The following TAF5 variants were observed in gnomAD, a reference collection of about 807,000 sequenced individuals.
The protein encoded by TAF5 is transcription initiation factor TFIID subunit 5.
A neutral mutation model predicts 80.9 loss-of-function variants in TAF5; 20 were observed. That is an observed-to-expected ratio of 0.25 (90% confidence interval 0.17 to 0.36). The LOEUF is 0.36. Among genes scored for constraint, TAF5 ranks in the 10% least tolerant of loss-of-function variants. The pLI, the probability that TAF5 is intolerant of heterozygous loss-of-function variation, is 1.00. For missense variants in TAF5, 863 were observed against 1,029.4 expected (o/e 0.84, Z 2.21); for synonymous variants, 388 against 406.4 (o/e 0.95, Z 0.55).
At chr10:103,384,111 T>G (rs973816772) in intron 7 of TAF5, among the ~76,000 whole-genome samples, 1 of 152,176 alleles carries the variant, frequency 6.6e-6, no homozygotes, top group East Asian at 1.9e-4. Flanking sequence ...TTCCTGACAT[T>G]AATGGCATAT....
chr10:103,369,060 C>G (rs948565064), intron 1 of TAF5, among the ~76,000 whole-genome samples: 3 of 150,494 alleles, frequency 2.0e-5, no homozygotes, highest in African/African-American at 4.9e-5. Context: ...CTCACTGCAA[C>G]CTCCGCCTCC....
intron 6 of TAF5, among the ~76,000 whole-genome samples, 156 bp downstream of exon 6, chr10:103,381,997 G>C (rs1465558031): frequency 1.3e-5 from 2 of 152,140 alleles, no homozygotes; most frequent in East Asian, 3.9e-4. Context: ...AAAAAGCTTT[G>C]GAGTGACTGG....
In TAF5 at chr10:103,387,705, G is replaced by A; in HGVS notation, c.2185+7G>A. On this transcript the variant is annotated splice_region_variant and intron_variant, in intron 10 of 10. Coordinates refer to ENST00000369839, the MANE Select transcript of TAF5 (RefSeq NM_006951.5). ...GGTGAAATTTTGGCATCAGGTAAAT[G>A]ACTATTAATGGCTTTACGATAAATG... 7 of 1,608,780 alleles carry A rather than the reference G, an allele frequency of 4.4e-6. No homozygotes were observed. Among genetic ancestry groups the A allele is most frequent in the Non-Finnish European group, 5.1e-6 (6 of 1,178,036 alleles).
chr10:103,387,686 A>C lies in TAF5; in HGVS notation c.2173A>C (p.Ile725Leu). The part of the protein sequence containing the change: ...CSLRFSRDGE[I>L]LASGSMDNTV... ...ACTTAGGTTTAGTAGAGATGGTGAA[A>C]TTTTGGCATCAGGTAAATGACTATT... is the stretch of plus-strand genomic sequence containing the variant. The change falls in exon 10 of 11, where the codon ATT (isoleucine) becomes CTT (leucine). Residue 725 changes from isoleucine to leucine, a missense_variant. Ile to Leu is a conservative substitution (Grantham distance 5). This residue lies in a region of TAF5 where 368 missense variants were observed against 461.7 expected (regional missense o/e 0.80). Coordinates refer to ENST00000369839, the MANE Select transcript of TAF5 (RefSeq NM_006951.5). 1 of 1,610,800 alleles carries C rather than the reference A, an allele frequency of 6.2e-7. No individual in the cohort carries two copies. Among genetic ancestry groups the C allele is most frequent in the Admixed American group, 1.7e-5 (1 of 58,798 alleles).
chr10:103,379,947 C>A lies in TAF5; in HGVS notation c.1341C>A (p.Thr447=). Residue 447 remains threonine, a synonymous_variant, in exon 5 of 11, where the codon ACC becomes ACA. Coordinates refer to ENST00000369839, the MANE Select transcript of TAF5 (RefSeq NM_006951.5). Reference sequence around the variant, plus strand: ...ATAAGATAATGAATATGAAAGAAACCACCAAACGAGTGCGCCTTGGGCCGG... The same window carrying A: ...ATAAGATAATGAATATGAAAGAAACAACCAAACGAGTGCGCCTTGGGCCGG... The part of the protein sequence containing the change: ...KLDKIMNMKE[T]TKRVRLGPDC... The A allele has an allele frequency of 6.2e-7, 1 of 1,613,978 alleles. No homozygotes were observed. The highest frequency in any genetic ancestry group is 8.5e-7 in the Non-Finnish European group (1 of 1,179,990).
intron 5 of TAF5, among the ~76,000 whole-genome samples, chr10:103,380,588 T>C (rs777271215): frequency 6.6e-5 from 10 of 152,212 alleles, no homozygotes; most frequent in Non-Finnish European, 1.5e-4. Context: ...TTGAACTTGG[T>C]TTAAGTACTT....
At chr10:103,377,805 ACT>A (rs2093373219) in intron 2 of TAF5, among the ~76,000 whole-genome samples, 1 of 152,030 alleles carries the variant, frequency 6.6e-6, no homozygotes, top group African/African-American at 2.4e-5. Context: ...AGTTCATTAT[ACT>A]CTTTTTTATG....
In TAF5 at chr10:103,378,574, C is replaced by CT. The variant is rs769949208; in HGVS notation, c.1113+25dup. 5.3e-5 allele frequency: 84 copies of CT among 1,577,718 alleles called. No homozygotes were observed. The highest frequency in any genetic ancestry group is 9.1e-5 in the Admixed American group (5 of 54,928). Reference sequence around the variant, plus strand: ...AGGTATGGGAATGAACCTAAGAACTCTATAATGCAGATTATGAAAAATTGT... The same window carrying CT: ...AGGTATGGGAATGAACCTAAGAACTCTTATAATGCAGATTATGAAAAATTGT... On this transcript the variant is annotated intron_variant, in intron 3 of 10. Transcript: ENST00000369839. The surrounding 1 kb of genome is among the most constrained non-coding windows in gnomAD (Gnocchi z 4.1).
intron 2 of TAF5, among the ~76,000 whole-genome samples, chr10:103,377,729 A>T (rs780851220): frequency 1.3e-5 from 2 of 152,236 alleles, no homozygotes; most frequent in Non-Finnish European, 2.9e-5. Context: ...AATCATTAAA[A>T]ATGATGGGTT....
At chr10:103,386,288 C>A (rs1027475466) in intron 8 of TAF5, among the ~76,000 whole-genome samples, 15 of 151,374 alleles carry the variant, frequency 9.9e-5, no homozygotes, top group South Asian at 8.4e-4. Flanking sequence ...AAAAAAAAAA[C>A]AAAAATTAGC....
intron 2 of TAF5, among the ~76,000 whole-genome samples, chr10:103,375,034 G>A (rs955764084): frequency 2.7e-5 from 4 of 148,908 alleles, no homozygotes; most frequent in South Asian, 2.1e-4. Context: ...CTGGAGAATC[G>A]CTTGAACCTG....
At chr10:103,376,327 G>A (rs1247994600) in intron 2 of TAF5, among the ~76,000 whole-genome samples, 2 of 152,026 alleles carry the variant, frequency 1.3e-5, no homozygotes, top group Admixed American at 6.6e-5. Context: ...CCGACCTCAG[G>A]TGATCTGCCC....
At chr10:103,372,304 T>A (rs958610495) in intron 1 of TAF5, among the ~76,000 whole-genome samples, 3 of 150,944 alleles carry the variant, frequency 2.0e-5, no homozygotes, top group Non-Finnish European at 1.5e-5. Context: ...GTGAAAAAAA[T>A]TCCATTAAAA....
chr10:103,384,037 G>T (rs1307096074), intron 7 of TAF5, among the ~76,000 whole-genome samples: 1 of 151,824 alleles, frequency 6.6e-6, no homozygotes, highest in South Asian at 2.1e-4. Flanking sequence ...TCCATTAGGG[G>T]TTGAATTGCT....
In TAF5 at chr10:103,387,828, A is replaced by G. The variant is rs2093400948; in HGVS notation, c.2185+130A>G. Reference sequence around the variant, plus strand: ...CTATGATTCCAGAGTGTCATCCTACATCAATCACTTCTCAGGTTAAAGTAC... The same window carrying G: ...CTATGATTCCAGAGTGTCATCCTACGTCAATCACTTCTCAGGTTAAAGTAC... On this transcript the variant is annotated intron_variant, in intron 10 of 10. Transcript: ENST00000369839. The G allele has an allele frequency of 5.3e-6, 6 of 1,122,904 alleles. No individual in the cohort carries two copies. The East Asian group carries it at 1.2e-4, about 22-fold the overall frequency. The allele number at this position is 1,122,904 out of a possible 1,614,324, so 69.6% of individuals were successfully genotyped here.
In TAF5 at chr10:103,388,767, A is replaced by G. The variant is rs1279487700; in HGVS notation, c.*544A>G. On this transcript the variant is annotated 3_prime_UTR_variant, in exon 11 of 11. Transcript: ENST00000369839. The stretch of plus-strand genomic sequence containing the variant: ...TCTTAGATCTAGAGGAAGTACAGCC[A>G]CCCACTGACATCTGAATTTATATAC... The G allele has an allele frequency of 1.3e-5, 2 of 153,222 alleles. No homozygotes were observed. Among genetic ancestry groups the G allele is most frequent in the Non-Finnish European group, 2.9e-5 (2 of 68,528 alleles). The allele number at this position is 153,222 out of a possible 1,614,324, so 9.5% of individuals were successfully genotyped here.
Position 103,378,680 on chromosome 10 carries a change from G to A in TAF5, c.1113+130G>A, listed in dbSNP as rs564637966. 8.9e-5 allele frequency: 99 copies of A among 1,108,418 alleles called. No homozygotes were observed. The South Asian group carries it at 1.2e-3, about 13-fold the overall frequency. 68.7% of individuals were successfully genotyped at this position (1,108,418 alleles called of 1,614,324 possible). A position where few individuals can be genotyped will look rare whatever the true frequency, so the allele number is the denominator to read the frequency against. On this transcript the variant is annotated intron_variant, in intron 3 of 10. Coordinates refer to ENST00000369839, the MANE Select transcript of TAF5 (RefSeq NM_006951.5). The surrounding 1 kb of genome is among the most constrained non-coding windows in gnomAD (Gnocchi z 4.1). ...TTTTTTCGTTTGTTTGTTTTGAGAC[G>A]GAGTTTTGCTCTTGTCACCCAAGCT... is the stretch of plus-strand genomic sequence containing the variant.
chr10:103,383,510 C>T (rs2093387981), intron 7 of TAF5, 143 bp downstream of exon 7: 1 of 803,250 alleles, frequency 1.2e-6, no homozygotes, highest in Non-Finnish European at 1.8e-6. Context: ...CTTTTAGAAT[C>T]TTGCCATTTG....
chr10:103,376,719 C>CA (rs1189411200), intron 2 of TAF5, among the ~76,000 whole-genome samples: 1 of 151,968 alleles, frequency 6.6e-6, no homozygotes, highest in Non-Finnish European at 1.5e-5. Context: ...ATAGCCTGGG[C>CA]AAAAGAACGA....
Sources: gnomAD v4.1 joint callset for allele counts (sites outside exome capture counted in the v4.1 genomes callset) on GRCh38, gnomAD v4.1.1 for gene constraint, gnomAD v4.1.1 regional missense constraint, Gnocchi (gnomAD v3.1) non-coding constraint, MANE v1.5 for transcripts, NCBI Gene and HGNC (gene_info 2026-07-23, HGNC 2026-07-21) for gene names.